The following ABCA7 variants were observed in gnomAD, a reference collection of about 807,000 sequenced individuals.
The protein encoded by ABCA7 is ATP binding cassette subfamily A member 7.
A neutral mutation model predicts 227.6 loss-of-function variants in ABCA7; 261 were observed. The observed-to-expected ratio is 1.15, with a 90% CI of 1.04 to 1.27. The LOEUF (loss-of-function observed/expected upper bound fraction) is 1.27. Ranked by LOEUF, ABCA7 falls within the 50% of genes most tolerant of loss-of-function variation. The probability of loss-of-function intolerance (pLI) is 0.00; values close to 1 mark genes in which losing one functional copy is unlikely to be tolerated. For missense variants in ABCA7, 3,331 were observed against 2,924.5 expected (o/e 1.14, Z -3.21); for synonymous variants, 1,488 against 1,279.7 (o/e 1.16, Z -3.47).
Position 1,054,825 on chromosome 19 carries a change from G to C in ABCA7, c.3897G>C (p.Ala1299=). 1 of 1,574,546 alleles carries C rather than the reference G, an allele frequency of 6.4e-7. No individual in the cohort carries two copies. The highest frequency in any genetic ancestry group is 1.4e-5 in the African/African-American group (1 of 73,936). The part of the protein sequence containing the change: ...GDPGRARLLE[A]LLQEAGLEEP... ...CTGGACGTGCCCGGCTGCTCGAGGC[G>C]CTGCTGCAGGAGGCAGGACTGGAGG... is the stretch of plus-strand genomic sequence containing the variant. The change falls in exon 29 of 47, where the codon GCG becomes GCC. Residue 1299 remains alanine, a synonymous_variant. Coordinates refer to ENST00000263094, the MANE Select transcript of ABCA7 (RefSeq NM_019112.4). The surrounding 1 kb of genome is among the most constrained non-coding windows in gnomAD (Gnocchi z 4.8).
intron 16 of ABCA7, 70 bp downstream of exon 16, chr19:1,047,724 G>C: frequency 6.9e-7 from 1 of 1,458,156 alleles, no homozygotes; most frequent in African/African-American, 1.4e-5. Flanking sequence ...TAGGGGTGTG[G>C]CCTCCAGGCC....
chr19:1,059,109 G>C, intron 40 of ABCA7, 24 bp downstream of exon 40: 2 of 1,607,852 alleles, frequency 1.2e-6, no homozygotes, highest in Non-Finnish European at 1.7e-6. Context: ...TGGAGGCCAG[G>C]TGCAGGGACA....
At chr19:1,051,686 G>A in intron 21 of ABCA7, 100 bp downstream of exon 21, 1 of 1,237,502 alleles carries the variant, frequency 8.1e-7, no homozygotes, top group Non-Finnish European at 1.1e-6. Flanking sequence ...TGCTACATGT[G>A]GACCCCACTT....
chr19:1,065,263 C>T lies in ABCA7; in HGVS notation c.6286-7C>T, dbSNP rs1274908642. 6.2e-7 allele frequency: 1 copy of T among 1,612,974 alleles called. No individual in the cohort carries two copies. Among genetic ancestry groups the T allele is most frequent in the South Asian group, 1.1e-5 (1 of 91,072 alleles). On this transcript the variant is annotated splice_polypyrimidine_tract_variant and splice_region_variant and intron_variant, in intron 46 of 46. Transcript: ENST00000263094. ...CCTCTTGTCCCCTCTGGGCTGCCCA[C>T]CGCTAGGTATTCTTGTACTTCTCCA... is the stretch of plus-strand genomic sequence containing the variant.
At chr19:1,061,090 G>C (rs2042621609) in intron 40 of ABCA7, among the ~76,000 whole-genome samples, 1 of 151,994 alleles carries the variant, frequency 6.6e-6, no homozygotes, top group Non-Finnish European at 1.5e-5. Context: ...CTTCCATGTG[G>C]ACACTCAGAA....
At position 1,056,984 on chromosome 19, in the gene ABCA7, T is replaced by C. The variant is rs1227802364; in HGVS notation, c.4664T>C (p.Leu1555Pro). 6.2e-7 allele frequency: 1 copy of C among 1,614,010 alleles called. No individual in the cohort carries two copies. The highest frequency in any genetic ancestry group is 1.7e-5 in the Admixed American group (1 of 60,024). ...TCCTTTGTCCCGGCCAGCTTCACTC[T>C]TGTCCTCATTGAGGAGCGAGTCACC... ...AMSFVPASFT[L>P]VLIEERVTRA... is the part of the protein sequence containing the mutation. The change falls in exon 34 of 47, where the codon CTT (leucine) becomes CCT (proline). Residue 1555 changes from leucine to proline, a missense_variant. Transcript: ENST00000263094. This position sits in a 1 kb window ranked among gnomAD's most constrained non-coding sequence, Gnocchi z 4.3.
At chr19:1,064,787 C>T (rs1422573931) in intron 45 of ABCA7, 144 bp from the exon 46 acceptor site, 4 of 1,252,382 alleles carry the variant, frequency 3.2e-6, no homozygotes, top group Non-Finnish European at 3.1e-6. Context: ...CGGGGGGTGG[C>T]GGGGGACTGA....
intron 6 of ABCA7, 160 bp downstream of exon 6, chr19:1,042,557 G>A (rs2040164130): frequency 2.8e-6 from 3 of 1,059,520 alleles, no homozygotes; most frequent in African/African-American, 3.1e-5. Context: ...CCCAGACAGA[G>A]TGTGTCTGAC....
In ABCA7 at chr19:1,051,828, T is replaced by A. The variant is rs1042534857; in HGVS notation, c.2963-114T>A. On this transcript the variant is annotated intron_variant, in intron 21 of 46. Transcript: ENST00000263094. ...ACAAGGAGGTTCTGGGGATGAGGTTTTGAGGGATGAATAGGAGTTTGCTTC... is the reference window on the plus strand; with the variant it reads ...ACAAGGAGGTTCTGGGGATGAGGTTATGAGGGATGAATAGGAGTTTGCTTC... 5.7e-6 allele frequency: 8 copies of A among 1,408,552 alleles called. No homozygotes were observed. In the African/African-American group the frequency reaches 1.0e-4, roughly 18 times the overall value. The allele number at this position is 1,408,552 out of a possible 1,614,324, so 87.3% of individuals were successfully genotyped here.
In ABCA7 at chr19:1,051,558, T is replaced by C; in HGVS notation, c.2934T>C (p.Ile978=). ...TGGATCCTGCTTCCCGCCGCGGTAT[T>C]TGGGAGCTGCTGCTCAAATACCGAG... ...AGVDPASRRG[I]WELLLKYREG... is the part of the protein sequence containing the mutation. Residue 978 remains isoleucine, a synonymous_variant, in exon 21 of 47, where the codon ATT becomes ATC. Transcript: ENST00000263094. The C allele has an allele frequency of 6.2e-7, 1 of 1,612,484 alleles. No homozygotes were observed. The highest frequency in any genetic ancestry group is 8.5e-7 in the Non-Finnish European group (1 of 1,179,824).
rs1394022055 is a variant in ABCA7, at chr19:1,055,225, C to T, written c.4079C>T (p.Pro1360Leu). ...PGARRLLPDC[P>L]AAAGGPPPPQ... ...GCCCGGCGCCTGCTGCCCGACTGCC[C>T]GGCTGCAGCTGGTGGTCCCCCTCCG... is the stretch of plus-strand genomic sequence containing the variant. The change falls in exon 30 of 47, where the codon CCG becomes CTG. Residue 1360 changes from proline (P) to leucine (L), a missense_variant. Pro to Leu is a moderately conservative substitution (Grantham distance 98). Coordinates refer to ENST00000263094, the MANE Select transcript of ABCA7 (RefSeq NM_019112.4). The T allele has an allele frequency of 1.2e-5, 19 of 1,607,088 alleles. No individual in the cohort carries two copies. Among genetic ancestry groups the T allele is most frequent in the East Asian group, 6.7e-5 (3 of 44,538 alleles).
chr19:1,064,783 G>C (rs2042931367), intron 45 of ABCA7, 148 bp from the exon 46 acceptor site: 2 of 1,304,478 alleles, frequency 1.5e-6, no homozygotes, highest in Admixed American at 6.3e-5. Context: ...CGGGCGGGGG[G>C]TGGCGGGGGA....
rs578262121 is a variant in ABCA7, at chr19:1,057,047, C to A, written c.4727C>A (p.Pro1576His). 6.2e-7 allele frequency: 1 copy of A among 1,613,704 alleles called. No individual in the cohort carries two copies. The highest frequency in any genetic ancestry group is 1.7e-5 in the Admixed American group (1 of 60,014). ...KHLQLMGGLS[P>H]TLYWLGNFLW... is the part of the protein sequence containing the mutation. ...CTGCAGCTCATGGGGGGCCTGTCCC[C>A]CACCCTCTACTGGCTTGGCAACTTT... The change falls in exon 34 of 47, where the codon CCC becomes CAC. Residue 1576 changes from proline (P) to histidine (H), a missense_variant. Transcript: ENST00000263094.
Position 1,049,249 on chromosome 19 carries a change from C to A in ABCA7, c.2381-17C>A. On this transcript the variant is annotated splice_polypyrimidine_tract_variant and intron_variant, in intron 17 of 46. Coordinates refer to ENST00000263094, the MANE Select transcript of ABCA7 (RefSeq NM_019112.4). ...ACCCCCATGACCTCCATGGCTGAGT[C>A]CACCCCATCTCTGCAGTGCTGGTAG... 1 of 1,582,344 alleles carries A rather than the reference C, an allele frequency of 6.3e-7. No individual in the cohort carries two copies. Among genetic ancestry groups the A allele is most frequent in the South Asian group, 1.1e-5 (1 of 88,142 alleles).
In ABCA7 at chr19:1,053,318, T is replaced by G; in HGVS notation, c.3221-11T>G. On this transcript the variant is annotated splice_polypyrimidine_tract_variant and intron_variant, in intron 23 of 46. Coordinates refer to ENST00000263094, the MANE Select transcript of ABCA7 (RefSeq NM_019112.4). ...GCCGGGGCTCCCTGAAGCACCCCTT[T>G]GTCCACACAGGCACTCCTCAGCTGC... is the stretch of plus-strand genomic sequence containing the variant. The G allele has an allele frequency of 6.2e-7, 1 of 1,605,700 alleles. No homozygotes were observed. Among genetic ancestry groups the G allele is most frequent in the Non-Finnish European group, 8.5e-7 (1 of 1,176,844 alleles).
chr19:1,047,750 G>A, intron 16 of ABCA7, 96 bp downstream of exon 16: 2 of 1,346,518 alleles, frequency 1.5e-6, no homozygotes, highest in Non-Finnish European at 2.0e-6. Context: ...GGGGTGGGGG[G>A]TGGCTTATTC....
intron 7 of ABCA7, 81 bp downstream of exon 7, chr19:1,042,907 G>T: frequency 6.6e-7 from 1 of 1,513,066 alleles, no homozygotes; most frequent in Non-Finnish European, 8.9e-7. Context: ...GGGGCAGCCC[G>T]GGCACTTCCC....
Position 1,052,253 on chromosome 19 carries a change from GA to G in ABCA7, c.3191del (p.Lys1064ArgfsTer57). The G allele has an allele frequency of 6.4e-7, 1 of 1,553,002 alleles. No individual in the cohort carries two copies. The highest frequency in any genetic ancestry group is 2.4e-5 in the East Asian group (1 of 41,330). On this transcript the variant is annotated frameshift_variant, in exon 23 of 47. Coordinates refer to ENST00000263094, the MANE Select transcript of ABCA7 (RefSeq NM_019112.4). LOFTEE classifies it high-confidence loss of function. The part of the protein sequence containing the change: ...DMEGSVDTRQ[E>X]KKNGSQGSRV... ...GGAGGGCAGTGTGGACACCAGGCAGGAAAAGAAGAATGGCAGCCAGGGCAGC... is the reference window on the plus strand; with the variant it reads ...GGAGGGCAGTGTGGACACCAGGCAGGAAAGAAGAATGGCAGCCAGGGCAGC...
Position 1,054,998 on chromosome 19 carries a change from G to A in ABCA7, c.3951-99G>A. 3.3e-6 allele frequency: 5 copies of A among 1,531,376 alleles called. No individual in the cohort carries two copies. In the South Asian group the frequency reaches 6.3e-5, roughly 19 times the overall value. 94.9% of individuals were successfully genotyped at this position (1,531,376 alleles called of 1,614,324 possible). A position where few individuals can be genotyped will look rare whatever the true frequency, so the allele number is the denominator to read the frequency against. ...TCCCCTGTGCCCACCTGGGAGCTGG[G>A]AGCCTCTGTGGCTCCAGGAACCCCC... On this transcript the variant is annotated intron_variant, in intron 29 of 46. Coordinates refer to ENST00000263094, the MANE Select transcript of ABCA7 (RefSeq NM_019112.4). This position sits in a 1 kb window ranked among gnomAD's most constrained non-coding sequence, Gnocchi z 4.8.
Sources: allele counts gnomAD v4.1 joint callset (sites outside exome capture counted in the v4.1 genomes callset), GRCh38; gene constraint gnomAD v4.1.1; non-coding constraint Gnocchi (gnomAD v3.1); transcripts MANE v1.5; gene names NCBI Gene and HGNC (gene_info 2026-07-23, HGNC 2026-07-21).